Variants in CHRM3 observed in about 807,000 individuals in gnomAD.
CHRM3 encodes the protein muscarinic acetylcholine receptor M3.
In CHRM3, 11 loss-of-function variants were observed where a neutral mutation model predicts 41.8. The ratio of observed to expected loss-of-function variants is 0.26; its 90% confidence interval spans 0.17 to 0.44. The LOEUF is 0.44. Among genes scored for constraint, CHRM3 ranks in the 20% least tolerant of loss-of-function variants. The pLI is 1.00. For synonymous variants in CHRM3, 297 were observed against 301.4 expected, an observed-to-expected ratio of 0.99 and a Z score of 0.15; for missense variants, 571 against 745.4, an observed-to-expected ratio of 0.77 and a Z score of 2.72.
chr1:239,394,558 G>C (rs779103080), intron 1 of CHRM3, among the ~76,000 whole-genome samples: 1 of 152,116 alleles, frequency 6.6e-6, no homozygotes, highest in Non-Finnish European at 1.5e-5. Context: ...TGGAGGGACC[G>C]CCATTCAGAC....
chr1:239,413,335 G>A (rs764082756), intron 1 of CHRM3, among the ~76,000 whole-genome samples: 16 of 152,024 alleles, frequency 1.1e-4, no homozygotes, highest in Admixed American at 3.3e-4. Flanking sequence ...TGTCGCCCAG[G>A]CTGGAGTGCA....
At chr1:239,868,369 C>T (rs1327536038) in intron 6 of CHRM3, among the ~76,000 whole-genome samples, 1 of 152,146 alleles carries the variant, frequency 6.6e-6, no homozygotes, top group African/African-American at 2.4e-5. Flanking sequence ...GCTGGACTGC[C>T]ACCCAGGGAC....
chr1:239,887,165 A>G (rs1678142042), intron 6 of CHRM3, among the ~76,000 whole-genome samples: 1 of 151,524 alleles, frequency 6.6e-6, no homozygotes, highest in Admixed American at 6.6e-5. Context: ...TGATAATTTC[A>G]TGGTGTGTCA....
chr1:239,760,668 G>C (rs182600349), intron 5 of CHRM3, among the ~76,000 whole-genome samples: 1 of 151,954 alleles, frequency 6.6e-6, no homozygotes, highest in East Asian at 1.9e-4. Flanking sequence ...TCTTTCCTTT[G>C]AGTTCTTTAA....
At chr1:239,389,026 T>G (rs1658788125) in intron 1 of CHRM3, among the ~76,000 whole-genome samples, 2 of 152,244 alleles carry the variant, frequency 1.3e-5, no homozygotes, top group Non-Finnish European at 2.9e-5. Context: ...GGGGGTATTA[T>G]GAGATCGAAT....
chr1:239,446,949 A>G (rs1232338040), intron 1 of CHRM3, among the ~76,000 whole-genome samples: 1 of 152,200 alleles, frequency 6.6e-6, no homozygotes, highest in Non-Finnish European at 1.5e-5. Flanking sequence ...AAAACTATGT[A>G]TTTAAAATAG....
chr1:239,636,978 A>G (rs1438788893), intron 4 of CHRM3, among the ~76,000 whole-genome samples: 1 of 152,196 alleles, frequency 6.6e-6, no homozygotes, highest in Non-Finnish European at 1.5e-5. Flanking sequence ...TGGAGTATCT[A>G]TATGAAATTT....
chr1:239,606,815 C>A (rs899635662), intron 3 of CHRM3, among the ~76,000 whole-genome samples: 3 of 152,092 alleles, frequency 2.0e-5, no homozygotes, highest in African/African-American at 7.2e-5. Context: ...ACTTTAAATT[C>A]TAATGGAAAC....
At position 239,469,985 on chromosome 1, in the gene CHRM3, C is replaced by T. The variant is rs75514602; in HGVS notation, c.-520-22724C>T. Among the ~76,000 whole-genome samples, 1,098 of 152,212 alleles carry T rather than the reference C, an allele frequency of 7.2e-3. 9 individuals are homozygous for T. The highest frequency in any genetic ancestry group is 0.025 in the African/African-American group (1,024 of 41,542). On this transcript the variant is annotated intron_variant, in intron 1 of 6. Transcript: ENST00000676153. ...CAGGTGAAGGCTTAAGTTTGTGTCA[C>T]GTTCACATCCTACCCACTGAGCCTT...
At chr1:239,504,337 G>A (rs891965205) in intron 2 of CHRM3, among the ~76,000 whole-genome samples, 2 of 152,104 alleles carry the variant, frequency 1.3e-5, no homozygotes, top group Non-Finnish European at 2.9e-5. Context: ...CTAAGATCAA[G>A]GAACTGAAAA....
chr1:239,649,974 C>G (rs1277676216), intron 4 of CHRM3, among the ~76,000 whole-genome samples: 2 of 152,184 alleles, frequency 1.3e-5, no homozygotes, highest in African/African-American at 4.8e-5. Flanking sequence ...AAGGATGGTT[C>G]TAAAGAAAGA....
intron 5 of CHRM3, among the ~76,000 whole-genome samples, chr1:239,801,898 C>A (rs1008124962): frequency 1.3e-5 from 2 of 152,050 alleles, no homozygotes; most frequent in Admixed American, 6.6e-5. Flanking sequence ...TTTGTGATGC[C>A]AGATATGCAC....
At chr1:239,452,250 G>A (rs904145918) in intron 1 of CHRM3, among the ~76,000 whole-genome samples, 17 of 152,262 alleles carry the variant, frequency 1.1e-4, no homozygotes, top group African/African-American at 3.4e-4. Flanking sequence ...CCTGCCCCAT[G>A]TAGAAGTTAA....
At chr1:239,806,336 AACACAC>A (rs112010872) in intron 5 of CHRM3, among the ~76,000 whole-genome samples, 1 of 149,826 alleles carries the variant, frequency 6.7e-6, no homozygotes, top group East Asian at 2.0e-4. Flanking sequence ...GGAGTTACAC[AACACAC>A]ACACACACAC....
chr1:239,759,144 CT>C (rs1666484495), intron 5 of CHRM3, among the ~76,000 whole-genome samples: 1 of 147,158 alleles, frequency 6.8e-6, no homozygotes, highest in East Asian at 2.0e-4. Flanking sequence ...ATTTTCCCCC[CT>C]GAGCTTTATG....
chr1:239,454,548 T>C (rs145611715), intron 1 of CHRM3, among the ~76,000 whole-genome samples: 364 of 152,064 alleles, frequency 2.4e-3, no homozygotes, highest in African/African-American at 8.3e-3. Flanking sequence ...ATCAACTCGA[T>C]GTTCAGCACT....
chr1:239,453,711 A>G (rs1185785959), intron 1 of CHRM3, among the ~76,000 whole-genome samples: 1 of 152,198 alleles, frequency 6.6e-6, no homozygotes, highest in Non-Finnish European at 1.5e-5. Context: ...CAAATACTCT[A>G]AAAGTGTTAT....
chr1:239,618,803 C>T (rs1668007383), intron 3 of CHRM3, among the ~76,000 whole-genome samples: 1 of 145,912 alleles, frequency 6.9e-6, no homozygotes, highest in South Asian at 2.3e-4. Flanking sequence ...GAGATCGCGC[C>T]CCTGCACTCC....
intron 4 of CHRM3, among the ~76,000 whole-genome samples, chr1:239,634,427 G>C (rs1670239161): frequency 7.8e-6 from 1 of 128,764 alleles, no homozygotes; most frequent in South Asian, 2.5e-4. Flanking sequence ...GAAAAGAAAA[G>C]AGAAAAAAAA....
Sources: gnomAD v4.1 joint callset for allele counts (sites outside exome capture counted in the v4.1 genomes callset) on GRCh38, gnomAD v4.1.1 for gene constraint, MANE v1.5 for transcripts, NCBI Gene and HGNC (gene_info 2026-07-23, HGNC 2026-07-21) for gene names.